The following SPAG16 variants were observed in gnomAD, a reference collection of about 807,000 sequenced individuals.
SPAG16 encodes sperm associated antigen 16.
Under a neutral mutation model 80.4 loss-of-function variants are expected in SPAG16, and 86 were observed. The ratio of observed to expected loss-of-function variants is 1.07; its 90% confidence interval spans 0.90 to 1.28. The LOEUF (loss-of-function observed/expected upper bound fraction) is 1.28, where lower values mean the gene tolerates loss of function less well. Among genes scored for constraint, SPAG16 ranks in the 50% most tolerant of loss-of-function variants. SPAG16 has a pLI of 0.00. For missense variants in SPAG16, 870 were observed against 765.3 expected (o/e 1.14, Z -1.61); for synonymous variants, 294 against 265.9 (o/e 1.11, Z -1.03).
chr2:213,416,123 G>A (rs367907677), intron 9 of SPAG16, among the ~76,000 whole-genome samples: 14 of 152,300 alleles, frequency 9.2e-5, no homozygotes, highest in East Asian at 5.8e-4. Context: ...GCCCATGGCT[G>A]TAAGAAGGAA....
At chr2:214,152,092 G>A (rs1364191759) in intron 15 of SPAG16, among the ~76,000 whole-genome samples, 1 of 152,042 alleles carries the variant, frequency 6.6e-6, no homozygotes, top group Non-Finnish European at 1.5e-5. Context: ...CACAGTATAG[G>A]AATAAATTGA....
At chr2:213,993,613 T>A (rs1420956928) in intron 12 of SPAG16, among the ~76,000 whole-genome samples, 1 of 152,216 alleles carries the variant, frequency 6.6e-6, no homozygotes, top group East Asian at 1.9e-4. Flanking sequence ...AATATCCATA[T>A]AGCTTTTTAA....
rs528911569 is a variant in SPAG16, at chr2:214,365,932, G to GA, written c.1721-44201dup. 3.0e-4 allele frequency among the ~76,000 whole-genome samples: 45 copies of GA among 148,548 alleles called. 1 individual carries two copies. In the Middle Eastern group the frequency reaches 0.01, roughly 35 times the overall value. Reference sequence around the variant, plus strand: ...AGGAATTCTATAAATGCATACCTAGGAAAAAAATGTTAAGAGGCTGGTCAT... The same window carrying GA: ...AGGAATTCTATAAATGCATACCTAGGAAAAAAAATGTTAAGAGGCTGGTCAT... On this transcript the variant is annotated intron_variant, in intron 15 of 15. Transcript: ENST00000331683.
At chr2:213,402,497 A>G (rs1489888260) in intron 9 of SPAG16, among the ~76,000 whole-genome samples, 1 of 152,036 alleles carries the variant, frequency 6.6e-6, no homozygotes, top group African/African-American at 2.4e-5. Context: ...ACATATGTAT[A>G]CATGTGCCAT....
chr2:213,763,677 A>T (rs550358115), intron 10 of SPAG16, among the ~76,000 whole-genome samples: 2 of 152,152 alleles, frequency 1.3e-5, no homozygotes, highest in African/African-American at 4.8e-5. Flanking sequence ...TTACCACGAT[A>T]AAAAGGAAAA....
rs34244219 is a variant in SPAG16 at position 214,059,222 on chromosome 2, G to GTATATATATATATATATATA, written c.1527+45164_1527+45165insATATATATATATATATATAT. On this transcript the variant is annotated intron_variant, in intron 13 of 15. Coordinates refer to ENST00000331683, the MANE Select transcript of SPAG16 (RefSeq NM_024532.5). ...TATATATATATATATATATGTATGT[G>GTATATATATATATATATATA]TATATATATATATATATATGTATGT... Among the ~76,000 whole-genome samples, 94 of 121,420 alleles carry GTATATATATATATATATATA rather than the reference G, an allele frequency of 7.7e-4. 1 individual carries two copies. The highest frequency in any genetic ancestry group is 2.9e-3 in the African/African-American group (84 of 29,312). The allele number at this position is 121,420 out of a possible 152,430, so 79.7% of individuals were successfully genotyped here. A position where few individuals can be genotyped will look rare whatever the true frequency, so the allele number is the denominator to read the frequency against.
intron 10 of SPAG16, among the ~76,000 whole-genome samples, chr2:213,848,743 G>A (rs2074751836): frequency 6.6e-6 from 1 of 152,126 alleles, no homozygotes; most frequent in African/African-American, 2.4e-5. Flanking sequence ...ACTGATGCAA[G>A]TTATCGCCCC....
intron 3 of SPAG16, among the ~76,000 whole-genome samples, chr2:213,305,083 G>T (rs1197496526): frequency 1.3e-5 from 2 of 151,954 alleles, no homozygotes; most frequent in Non-Finnish European, 2.9e-5. Flanking sequence ...ATTGTAGAGA[G>T]ATCTCACTTG....
intron 10 of SPAG16, among the ~76,000 whole-genome samples, chr2:213,548,264 G>A (rs2076676541): frequency 6.6e-6 from 1 of 152,112 alleles, no homozygotes; most frequent in Non-Finnish European, 1.5e-5. Flanking sequence ...CCAGGTTGGA[G>A]TGCAGTGGCG....
intron 10 of SPAG16, among the ~76,000 whole-genome samples, chr2:213,599,856 C>T (rs1219786793): frequency 6.6e-6 from 1 of 152,146 alleles, no homozygotes; most frequent in Non-Finnish European, 1.5e-5. Flanking sequence ...TGCCTGCCAC[C>T]ATGACCGGCT....
intron 15 of SPAG16, among the ~76,000 whole-genome samples, chr2:214,384,254 T>TA (rs746494321): frequency 1.3e-5 from 2 of 152,246 alleles, no homozygotes; most frequent in Non-Finnish European, 2.9e-5. Flanking sequence ...CACTGTTTGT[T>TA]ATAATGCTTT....
chr2:213,461,908 G>GTGTA (rs2072390133), intron 9 of SPAG16, among the ~76,000 whole-genome samples: 1 of 152,168 alleles, frequency 6.6e-6, no homozygotes, highest in Admixed American at 6.5e-5. Flanking sequence ...GTGTATGTGT[G>GTGTA]TGTGTATGTG....
intron 11 of SPAG16, among the ~76,000 whole-genome samples, chr2:213,890,495 G>A (rs1287330616): frequency 1.3e-5 from 2 of 151,854 alleles, no homozygotes; most frequent in Non-Finnish European, 2.9e-5. Flanking sequence ...AGTAGGTAAT[G>A]GGAAAAAAGT....
chr2:213,706,195 C>G (rs2065745236), intron 10 of SPAG16, among the ~76,000 whole-genome samples: 1 of 152,100 alleles, frequency 6.6e-6, no homozygotes, highest in South Asian at 2.1e-4. Context: ...TTCTCACTAC[C>G]AGGGCTATCT....
chr2:213,350,042 C>G (rs2065240940), intron 6 of SPAG16, among the ~76,000 whole-genome samples: 1 of 152,010 alleles, frequency 6.6e-6, no homozygotes, highest in African/African-American at 2.4e-5. Context: ...TGAATTATTC[C>G]TTCTGTTTAG....
intron 10 of SPAG16, among the ~76,000 whole-genome samples, chr2:213,494,512 G>C (rs1188817175): frequency 6.6e-6 from 1 of 152,048 alleles, no homozygotes; most frequent in Non-Finnish European, 1.5e-5. Context: ...AGTCTGATAG[G>C]TCTTTCCTCC....
intron 6 of SPAG16, among the ~76,000 whole-genome samples, chr2:213,349,620 G>C (rs1261340934): frequency 6.6e-6 from 1 of 152,082 alleles, no homozygotes; most frequent in Non-Finnish European, 1.5e-5. Context: ...CCTTATTCAT[G>C]ATAGCCCAAA....
chr2:213,486,175 T>C (rs987038516), intron 9 of SPAG16, among the ~76,000 whole-genome samples: 3 of 152,142 alleles, frequency 2.0e-5, no homozygotes, highest in Non-Finnish European at 4.4e-5. Context: ...TTATTTCTTC[T>C]ATGAAACTAT....
chr2:213,625,310 C>A (rs947288869), intron 10 of SPAG16, among the ~76,000 whole-genome samples: 6 of 152,208 alleles, frequency 3.9e-5, no homozygotes, highest in African/African-American at 1.4e-4. Context: ...GGGAAGTAAG[C>A]ACATCTTCAC....
Sources: gnomAD v4.1 joint callset for allele counts (sites outside exome capture counted in the v4.1 genomes callset) on GRCh38, gnomAD v4.1.1 for gene constraint, MANE v1.5 for transcripts, NCBI Gene and HGNC (gene_info 2026-07-23, HGNC 2026-07-21) for gene names.